The following TTLL11 variants were observed in gnomAD, a reference collection of about 807,000 sequenced individuals.
TTLL11 encodes the protein tubulin polyglutamylase TTLL11.
In TTLL11, 42 loss-of-function variants were observed where a neutral mutation model predicts 51.7. The observed-to-expected ratio is 0.81, with a 90% CI of 0.64 to 1.05. TTLL11 has a LOEUF of 1.05. Among genes scored for constraint, TTLL11 ranks in the 50% least tolerant of loss-of-function variants. The pLI is 0.00. For missense variants in TTLL11, 799 were observed against 940.4 expected (o/e 0.85, Z 1.97); for synonymous variants, 381 against 383.5 (o/e 0.99, Z 0.08).
rs1554785382 is a variant in TTLL11, at chr9:122,030,203, G to GGT, written c.693+1519_693+1520insAC. On this transcript the variant is annotated intron_variant, in intron 3 of 8. Coordinates refer to ENST00000321582, the MANE Select transcript of TTLL11 (RefSeq NM_001139442.2). Reference sequence around the variant, plus strand: ...AGCAGAGCCACAGAAGAGAGACATTGGGGGGGGGGGGGTAATTATGAGGAA... The same window carrying GGT: ...AGCAGAGCCACAGAAGAGAGACATTGGTGGGGGGGGGGGGTAATTATGAGGAA... Among the ~76,000 whole-genome samples the GGT allele has an allele frequency of 9.4e-5, 5 of 53,072 alleles. 1 individual carries two copies. In the Admixed American group the frequency reaches 9.7e-4, roughly 10 times the overall value. The allele number at this position is 53,072 out of a possible 152,430, so 34.8% of individuals were successfully genotyped here. A position where few individuals can be genotyped will look rare whatever the true frequency, so the allele number is the denominator to read the frequency against.
chr9:122,023,037 C>G (rs1279931643), intron 3 of TTLL11, among the ~76,000 whole-genome samples: 1 of 151,254 alleles, frequency 6.6e-6, no homozygotes, highest in Non-Finnish European at 1.5e-5. Context: ...CAAAGGAAAT[C>G]AATAAAACTG....
intron 6 of TTLL11, among the ~76,000 whole-genome samples, chr9:121,882,556 C>T (rs1235790492): frequency 6.6e-6 from 1 of 152,150 alleles, no homozygotes; most frequent in African/African-American, 2.4e-5. Flanking sequence ...TTTTTCCAAC[C>T]TCTGTTTTCC....
At chr9:121,857,876 A>T (rs558890922) in intron 8 of TTLL11, among the ~76,000 whole-genome samples, 1 of 152,172 alleles carries the variant, frequency 6.6e-6, no homozygotes, top group African/African-American at 2.4e-5. Context: ...TGCAGCAATA[A>T]AACATGATAA....
At chr9:121,969,237 T>C (rs1369374050) in intron 6 of TTLL11, among the ~76,000 whole-genome samples, 2 of 152,188 alleles carry the variant, frequency 1.3e-5, no homozygotes, top group Non-Finnish European at 1.5e-5. Context: ...AAAACAGCTA[T>C]GCAACATCTC....
intron 1 of TTLL11, among the ~76,000 whole-genome samples, chr9:122,053,839 A>C (rs543729858): frequency 6.6e-6 from 1 of 152,182 alleles, no homozygotes; most frequent in Admixed American, 6.5e-5. Context: ...GTCGTTTGGG[A>C]ATCTGAAGGG....
In TTLL11 at chr9:121,933,025, G is replaced by T. The variant is rs1841053924; in HGVS notation, c.1481+40984C>A. Among the ~76,000 whole-genome samples, 4 of 152,276 alleles carry T rather than the reference G, an allele frequency of 2.6e-5. No individual in the cohort carries two copies. In the South Asian group the frequency reaches 8.3e-4, roughly 32 times the overall value. On this transcript the variant is annotated intron_variant, in intron 6 of 8. Coordinates refer to ENST00000321582, the MANE Select transcript of TTLL11 (RefSeq NM_001139442.2). ...GTCTCACGGAAAAGATTGATCAACT[G>T]GCTCCCTGAGCATCGAAAATGTCGG... is the stretch of plus-strand genomic sequence containing the variant.
At chr9:121,978,917 T>C (rs1174351755) in intron 4 of TTLL11, among the ~76,000 whole-genome samples, 1 of 152,166 alleles carries the variant, frequency 6.6e-6, no homozygotes, top group Non-Finnish European at 1.5e-5. Context: ...CAACTGTTTC[T>C]AAGATGGTCC....
intron 6 of TTLL11, among the ~76,000 whole-genome samples, chr9:121,958,592 G>A (rs1258432816): frequency 6.6e-6 from 1 of 152,132 alleles, no homozygotes; most frequent in Non-Finnish European, 1.5e-5. Context: ...TAGAAACAGA[G>A]GCTTCAGCTA....
intron 6 of TTLL11, among the ~76,000 whole-genome samples, chr9:121,924,127 G>C (rs945151028): frequency 1.3e-5 from 2 of 152,152 alleles, no homozygotes; most frequent in Non-Finnish European, 1.5e-5. Flanking sequence ...CCAGTCTCAG[G>C]TATGTCTTTA....
At chr9:122,048,827 C>A (rs1845084126) in intron 1 of TTLL11, among the ~76,000 whole-genome samples, 1 of 152,180 alleles carries the variant, frequency 6.6e-6, no homozygotes, top group South Asian at 2.1e-4. Context: ...TGTCGCTACA[C>A]CCATCACAGG....
chr9:121,906,694 T>G (rs918907845), intron 6 of TTLL11, among the ~76,000 whole-genome samples: 1 of 151,848 alleles, frequency 6.6e-6, no homozygotes, highest in Non-Finnish European at 1.5e-5. Context: ...GGGAAGGAGG[T>G]TCAATGCCAG....
At chr9:121,924,277 G>A (rs908750465) in intron 6 of TTLL11, among the ~76,000 whole-genome samples, 1 of 152,176 alleles carries the variant, frequency 6.6e-6, no homozygotes, top group East Asian at 1.9e-4. Context: ...GTAGGTGCTC[G>A]GCGTGTAGTG....
Position 122,086,101 on chromosome 9 carries a change from A to G in TTLL11, c.462+6586T>C, listed in dbSNP as rs139414778. Among the ~76,000 whole-genome samples, 5 of 152,362 alleles carry G rather than the reference A, an allele frequency of 3.3e-5. No individual in the cohort carries two copies. In the East Asian group the frequency reaches 9.6e-4, roughly 29 times the overall value. ...CACTACCAAAATTGTGGCACAATAC[A>G]CTGTATGTTTTATAACACAGAAAAC... On this transcript the variant is annotated intron_variant, in intron 1 of 8. Transcript: ENST00000321582.
chr9:121,947,479 A>T (rs1841708583), intron 6 of TTLL11, among the ~76,000 whole-genome samples: 1 of 152,218 alleles, frequency 6.6e-6, no homozygotes, highest in Non-Finnish European at 1.5e-5. Context: ...GTGTGCGAAA[A>T]ATATACACCT....
chr9:122,092,606 T>C (rs950377747), intron 1 of TTLL11, 81 bp downstream of exon 1: 9 of 1,510,920 alleles, frequency 6.0e-6, no homozygotes, highest in Non-Finnish European at 7.9e-6. Flanking sequence ...CCCGCCGACC[T>C]GACCTGGGCC....
At chr9:122,030,312 C>T (rs557016635) in intron 3 of TTLL11, among the ~76,000 whole-genome samples, 2 of 151,216 alleles carry the variant, frequency 1.3e-5, no homozygotes, top group Non-Finnish European at 2.9e-5. Context: ...GTTAATAGTT[C>T]GATGAATTTT....
intron 6 of TTLL11, among the ~76,000 whole-genome samples, chr9:121,877,718 G>A (rs1838622288): frequency 6.6e-6 from 1 of 152,118 alleles, no homozygotes; most frequent in South Asian, 2.1e-4. Context: ...ATTTAATCTT[G>A]ATAAAATCCT....
intron 6 of TTLL11, among the ~76,000 whole-genome samples, chr9:121,934,425 G>T (rs1268383398): frequency 6.6e-6 from 1 of 152,118 alleles, no homozygotes; most frequent in Non-Finnish European, 1.5e-5. Flanking sequence ...ATCACCAACT[G>T]ATTTCAACAG....
At chr9:121,976,257 C>T (rs975627212) in intron 4 of TTLL11, among the ~76,000 whole-genome samples, 9 of 152,220 alleles carry the variant, frequency 5.9e-5, no homozygotes, top group African/African-American at 9.6e-5. Flanking sequence ...GAAGCTTTGT[C>T]TTCCAGTCAC....
Sources: allele counts gnomAD v4.1 joint callset (sites outside exome capture counted in the v4.1 genomes callset), GRCh38; gene constraint gnomAD v4.1.1; transcripts MANE v1.5; gene names NCBI Gene and HGNC (gene_info 2026-07-23, HGNC 2026-07-21).